AMZ2: variants seen among roughly 807,000 people sequenced by gnomAD.
The protein encoded by AMZ2 is archaemetzincin-2.
In AMZ2, 26 loss-of-function variants were observed where a neutral mutation model predicts 36.7. The ratio of observed to expected loss-of-function variants is 0.71; its 90% CI spans 0.52 to 0.98. AMZ2 has a LOEUF of 0.98. AMZ2 is among the 50% of genes least tolerant of loss of function. The pLI, the probability that AMZ2 is intolerant of heterozygous loss-of-function variation, is 0.00. For missense variants in AMZ2, 394 were observed against 430.5 expected (o/e 0.92, Z 0.75); for synonymous variants, 144 against 149.1 (o/e 0.97, Z 0.25).
intron 1 of AMZ2, chr17:68,249,102 G>T (rs2074246664): frequency 3.4e-6 from 4 of 1,186,632 alleles, no homozygotes; most frequent in Non-Finnish European, 4.2e-6. Flanking sequence ...TCATTGTGAG[G>T]CTGGCTTTTG....
upstream of AMZ2, chr17:68,247,863 T>G (rs1157049986): frequency 1.0e-6 from 1 of 985,382 alleles, no homozygotes; most frequent in African/African-American, 1.7e-5. Context: ...CGCTACCCTC[T>G]ATTCTGGAAG....
At chr17:68,237,963 C>T (rs1473675164) in intron 1 of AMZ2, among the ~76,000 whole-genome samples, 5 of 152,114 alleles carry the variant, frequency 3.3e-5, no homozygotes, top group African/African-American at 7.2e-5. Context: ...CGCTGTTTTA[C>T]GTTTGGTTGG....
chr17:68,225,641 T>C (rs537186084), intron 1 of AMZ2, among the ~76,000 whole-genome samples: 1 of 152,286 alleles, frequency 6.6e-6, no homozygotes, highest in East Asian at 1.9e-4. Context: ...CTTTTCTTTT[T>C]TTTATTTTTT....
intron 1 of AMZ2, among the ~76,000 whole-genome samples, chr17:68,217,810 ATTTTTT>A (rs145685949): frequency 2.2e-5 from 3 of 136,316 alleles, no homozygotes; most frequent in Non-Finnish European, 1.6e-5. Flanking sequence ...AATAAAAAAG[ATTTTTT>A]TTTTTTTTTT....
At position 68,251,031 on chromosome 17, in the gene AMZ2, T is replaced by G. The variant is rs782633037; in HGVS notation, c.458-19T>G. On this transcript the variant is annotated intron_variant, in intron 3 of 6. Transcript: ENST00000359904. The stretch of plus-strand genomic sequence containing the variant: ...TATATAATATACACTCATACATTTA[T>G]GTATTTCTTTTTAAATAGGGGACAT... 24 of 1,607,112 alleles carry G rather than the reference T, an allele frequency of 1.5e-5. No individual in the cohort carries two copies. The highest frequency in any genetic ancestry group is 1.2e-4 in the Admixed American group (7 of 57,778).
At chr17:68,247,918 C>T, upstream of AMZ2, 2 of 985,586 alleles carry the variant, frequency 2.0e-6, no homozygotes, top group Non-Finnish European at 2.4e-6. Flanking sequence ...CCTGCCCAGG[C>T]GGCCGCACGC....
At chr17:68,224,465 G>A (rs7212386) in intron 1 of AMZ2, among the ~76,000 whole-genome samples, 50,714 of 151,782 alleles carry the variant, frequency 0.33, 9,100 homozygotes, top group African/African-American at 0.47. Context: ...ACACCTATGC[G>A]GCAGTTTCAG....
Position 68,231,629 on chromosome 17 carries a change from C to G in AMZ2, c.-66-17011C>G, listed in dbSNP as rs1385851625. 5.5e-5 allele frequency among the ~76,000 whole-genome samples: 2 copies of G among 36,566 alleles called. 1 individual carries two copies. The highest frequency in any genetic ancestry group is 2.1e-3 in the East Asian group (2 of 962). 24.0% of individuals were successfully genotyped at this position (36,566 alleles called of 152,430 possible). ...GGTGGGAAACACATAAGTAGTAGTA[C>G]GAGTTTTCCTTGCATGGGGACATAC... is the stretch of plus-strand genomic sequence containing the variant. On this transcript the variant is annotated intron_variant, in intron 1 of 7. Transcript: ENST00000674770.
rs2073755532 is a variant in AMZ2 at position 68,235,128 on chromosome 17, G to A, written c.-66-13512G>A. Among the ~76,000 whole-genome samples the A allele has an allele frequency of 6.6e-6, 1 of 152,226 alleles. No individual in the cohort carries two copies. The highest frequency in any genetic ancestry group is 6.5e-5 in the Admixed American group (1 of 15,288). Reference sequence around the variant, plus strand: ...GTGACTCACATCAACAGGCCCTTTTGTCAGCGGGCATTTCCGTAATTAGAA... The same window carrying A: ...GTGACTCACATCAACAGGCCCTTTTATCAGCGGGCATTTCCGTAATTAGAA... On this transcript the variant is annotated intron_variant, in intron 1 of 7. Coordinates refer to the AMZ2 transcript ENST00000674770. The surrounding 1 kb of genome is among the most constrained non-coding windows in gnomAD (Gnocchi z 4.2).
rs574580325 is a variant in AMZ2, at chr17:68,225,843, C to T, written c.-67+19605C>T. ...TTCACCATGTTGTCCAGGCCGGTCT[C>T]GAACTCCTGGCCTCAAGTGATCCAC... is the stretch of plus-strand genomic sequence containing the variant. On this transcript the variant is annotated intron_variant, in intron 1 of 7. Coordinates refer to the AMZ2 transcript ENST00000674770. 3.9e-5 allele frequency among the ~76,000 whole-genome samples: 6 copies of T among 152,174 alleles called. 1 individual carries two copies. The South Asian group carries it at 8.3e-4, about 21-fold the overall frequency.
intron 1 of AMZ2, among the ~76,000 whole-genome samples, chr17:68,209,632 A>ATATATATATATATATGTATATATATATT: frequency 1.1e-5 from 1 of 90,688 alleles, no homozygotes; most frequent in Non-Finnish European, 2.0e-5. Flanking sequence ...ATATATATAT[A>ATATATATATATATATGTATATATATATT]TTTTTTTTTT....
chr17:68,220,921 T>A (rs2073336079), intron 1 of AMZ2, among the ~76,000 whole-genome samples: 1 of 151,754 alleles, frequency 6.6e-6, no homozygotes, highest in Non-Finnish European at 1.5e-5. Flanking sequence ...TAGCTGGGAT[T>A]ACAGGTGCAT....
chr17:68,236,293 CTT>C (rs1174682912), intron 1 of AMZ2, among the ~76,000 whole-genome samples: 3 of 151,820 alleles, frequency 2.0e-5, no homozygotes, highest in African/African-American at 7.3e-5. Flanking sequence ...TTTATAAACA[CTT>C]AAACTATGTA....
chr17:68,255,910 A>C, intron 6 of AMZ2, 34 bp downstream of exon 6: 1 of 1,602,836 alleles, frequency 6.2e-7, no homozygotes. Flanking sequence ...AAAGAGGGGG[A>C]AGTGGTTATC....
intron 1 of AMZ2, among the ~76,000 whole-genome samples, chr17:68,221,015 T>A (rs1238605318): frequency 6.6e-6 from 1 of 151,858 alleles, no homozygotes; most frequent in Admixed American, 6.6e-5. Context: ...AACTCCTGAC[T>A]TCAGGTGATC....
chr17:68,221,999 A>G (rs2144549372), intron 1 of AMZ2, among the ~76,000 whole-genome samples: 1 of 152,348 alleles, frequency 6.6e-6, no homozygotes, highest in South Asian at 2.1e-4. Flanking sequence ...AGGGCTGCTG[A>G]GGTACAGGAA....
At chr17:68,208,848 C>G (rs1279306385) in intron 1 of AMZ2, among the ~76,000 whole-genome samples, 3 of 152,188 alleles carry the variant, frequency 2.0e-5, no homozygotes, top group African/African-American at 7.2e-5. Context: ...AGGTCTGCAG[C>G]TTCACTCCTG....
chr17:68,208,143 G>A (rs1160339976), intron 1 of AMZ2, among the ~76,000 whole-genome samples: 105 of 152,240 alleles, frequency 6.9e-4, no homozygotes, highest in African/African-American at 2.5e-3. Flanking sequence ...GACGAGCACC[G>A]CCCCCTGCCC....
At chr17:68,256,689 A>G (rs2074930670) in intron 6 of AMZ2, 125 bp from the exon 7 acceptor site, 4 of 909,308 alleles carry the variant, frequency 4.4e-6, no homozygotes, top group Non-Finnish European at 6.5e-6. Flanking sequence ...TCACACCATC[A>G]TTATCAAATG....
Sources: allele counts gnomAD v4.1 joint callset (sites outside exome capture counted in the v4.1 genomes callset), GRCh38; gene constraint gnomAD v4.1.1; non-coding constraint Gnocchi (gnomAD v3.1); transcripts MANE v1.5; gene names NCBI Gene and HGNC (gene_info 2026-07-23, HGNC 2026-07-21).